Variants in LOC128092252 observed in about 807,000 individuals in gnomAD.
chr15:50,660,490 C>T, the LOC128092252 span, among the ~76,000 whole-genome samples: 1,074 of 152,162 alleles, frequency 7.1e-3, 9 homozygotes, highest in Middle Eastern at 0.027. Context: ...CCTGTCTCTA[C>T]TAAAAATAAA....
chr15:50,675,194 T>C, the LOC128092252 span, among the ~76,000 whole-genome samples: 1 of 151,984 alleles, frequency 6.6e-6, no homozygotes, highest in African/African-American at 2.4e-5. Flanking sequence ...AATATAAAAA[T>C]TAGCTGGGCA....
the LOC128092252 span, among the ~76,000 whole-genome samples, chr15:50,664,940 C>T: frequency 6.6e-6 from 1 of 151,962 alleles, no homozygotes; most frequent in Non-Finnish European, 1.5e-5. Context: ...AATCCAGCCT[C>T]GTTGACAGAG....
At chr15:50,674,257 A>T in the LOC128092252 span, among the ~76,000 whole-genome samples, 1 of 151,828 alleles carries the variant, frequency 6.6e-6, no homozygotes, top group Non-Finnish European at 1.5e-5. Context: ...CCAAAGTGCT[A>T]GGATTACAGG....
At chr15:50,648,822 G>A in the LOC128092252 span, 2 of 1,613,094 alleles carry the variant, frequency 1.2e-6, no homozygotes, top group Non-Finnish European at 1.7e-6. Flanking sequence ...TCACATCTGA[G>A]TATTTCATGG....
chr15:50,674,138 G>C, the LOC128092252 span, among the ~76,000 whole-genome samples: 1 of 152,124 alleles, frequency 6.6e-6, no homozygotes, highest in Non-Finnish European at 1.5e-5. Flanking sequence ...ACAGGTACCT[G>C]CCACCACGCC....
chr15:50,678,418 A>G, the LOC128092252 span, among the ~76,000 whole-genome samples: 1 of 151,122 alleles, frequency 6.6e-6, no homozygotes, highest in South Asian at 2.1e-4. Flanking sequence ...TGTTGAAATA[A>G]GCTGGCACTC....
chr15:50,674,846 A>AAT, the LOC128092252 span, among the ~76,000 whole-genome samples: 1 of 152,110 alleles, frequency 6.6e-6, no homozygotes, highest in South Asian at 2.1e-4. Context: ...CAACACTTCG[A>AAT]ATATATCATC....
the LOC128092252 span, among the ~76,000 whole-genome samples, chr15:50,667,256 C>G: frequency 6.6e-6 from 1 of 152,146 alleles, no homozygotes; most frequent in Non-Finnish European, 1.5e-5. Context: ...TGAACGCTTT[C>G]CTCGCCCTGT....
the LOC128092252 span, among the ~76,000 whole-genome samples, chr15:50,666,477 A>G: frequency 6.6e-6 from 1 of 151,560 alleles, no homozygotes; most frequent in African/African-American, 2.4e-5. Context: ...AGGAAGAGGA[A>G]GAAGAGGAAG....
the LOC128092252 span, among the ~76,000 whole-genome samples, chr15:50,677,753 AAAAAAAAC>A: frequency 2.0e-5 from 3 of 150,158 alleles, no homozygotes; most frequent in Non-Finnish European, 4.4e-5. Context: ...AAAAAAAAAA[AAAAAAAAC>A]AAAAGGTAAC....
At chr15:50,649,834 A>G in the LOC128092252 span, among the ~76,000 whole-genome samples, 1 of 152,112 alleles carries the variant, frequency 6.6e-6, no homozygotes, top group African/African-American at 2.4e-5. Flanking sequence ...TAGAAAACAA[A>G]AAGAGGAGGG....
chr15:50,655,352 G>C, the LOC128092252 span, among the ~76,000 whole-genome samples: 1 of 148,568 alleles, frequency 6.7e-6, no homozygotes, highest in African/African-American at 2.5e-5. Context: ...AGAATTGCTT[G>C]AACCTGGGAG....
chr15:50,659,066 C>T, the LOC128092252 span, among the ~76,000 whole-genome samples: 1 of 151,976 alleles, frequency 6.6e-6, no homozygotes, highest in East Asian at 1.9e-4. Context: ...GATGTGGTGG[C>T]ACACGCCTGT....
chr15:50,667,688 C>T, the LOC128092252 span, among the ~76,000 whole-genome samples: 1 of 152,082 alleles, frequency 6.6e-6, no homozygotes, highest in African/African-American at 2.4e-5. Flanking sequence ...GCCTGGGCAA[C>T]AGAAGGAGAC....
the LOC128092252 span, among the ~76,000 whole-genome samples, chr15:50,661,049 T>C: frequency 6.9e-6 from 1 of 145,258 alleles, no homozygotes; most frequent in African/African-American, 2.6e-5. Context: ...GGATCTCAGC[T>C]CACTACAACC....
At chr15:50,650,708 A>C in the LOC128092252 span, among the ~76,000 whole-genome samples, 1 of 151,790 alleles carries the variant, frequency 6.6e-6, no homozygotes, top group African/African-American at 2.4e-5. Context: ...AAAAACAAAA[A>C]AAAACAAAAA....
At chr15:50,679,538 A>ATATATATATATATTT in the LOC128092252 span, among the ~76,000 whole-genome samples, 1 of 43,896 alleles carries the variant, frequency 2.3e-5, no homozygotes, top group African/African-American at 1.1e-4. Context: ...ATATATATAT[A>ATATATATATATATTT]TTTTTTTTTT....
At chr15:50,678,239 CAAAA>C in the LOC128092252 span, among the ~76,000 whole-genome samples, 2 of 92,080 alleles carry the variant, frequency 2.2e-5, no homozygotes, top group African/African-American at 7.2e-5. Context: ...GACTCTCTCT[CAAAA>C]AAAAAAAACA....
At chr15:50,664,523 T>C in the LOC128092252 span, among the ~76,000 whole-genome samples, 2 of 152,140 alleles carry the variant, frequency 1.3e-5, no homozygotes, top group African/African-American at 4.8e-5. Flanking sequence ...AAACGTTAAA[T>C]CTGCCAGATT....
Sources: allele counts gnomAD v4.1 joint callset (sites outside exome capture counted in the v4.1 genomes callset), GRCh38; gene constraint gnomAD v4.1.1; transcripts MANE v1.5.